The following DCC variants were observed in gnomAD, a reference collection of about 807,000 sequenced individuals.
The protein encoded by DCC is netrin receptor DCC.
DCC carries 58 observed loss-of-function variants against 172.5 expected under a neutral mutation model. The ratio of observed to expected loss-of-function variants is 0.34; its 90% CI spans 0.27 to 0.42. DCC has a LOEUF of 0.42. DCC is among the 10% of genes least tolerant of loss of function. The probability of loss-of-function intolerance (pLI) is 1.00; values close to 1 mark genes in which losing one functional copy is unlikely to be tolerated. For missense variants in DCC, 1,740 were observed against 1,791.0 expected (o/e 0.97, Z 0.51); for synonymous variants, 709 against 644.5 (o/e 1.10, Z -1.52).
chr18:53,142,837 C>T (rs1041472924), intron 7 of DCC, among the ~76,000 whole-genome samples: 40 of 152,158 alleles, frequency 2.6e-4, no homozygotes, highest in African/African-American at 8.0e-4. Flanking sequence ...ATCAAGGGAA[C>T]CTCCTTGCAT....
chr18:53,188,427 T>C (rs1568354951), intron 9 of DCC, among the ~76,000 whole-genome samples: 1 of 152,232 alleles, frequency 6.6e-6, no homozygotes, highest in Non-Finnish European at 1.5e-5. Context: ...GGGAAGTCAG[T>C]TACCTGGTCT....
At chr18:52,458,886 T>C (rs1344189217) in intron 1 of DCC, among the ~76,000 whole-genome samples, 1 of 152,184 alleles carries the variant, frequency 6.6e-6, no homozygotes, top group Non-Finnish European at 1.5e-5. Context: ...TAAAAACATT[T>C]AATTGTCTTT....
chr18:53,096,903 G>T (rs955382056), intron 7 of DCC, among the ~76,000 whole-genome samples: 1 of 151,890 alleles, frequency 6.6e-6, no homozygotes, highest in Non-Finnish European at 1.5e-5. Context: ...TATTTAGAGT[G>T]GTACATTTTA....
chr18:53,527,090 C>CGTGTGTGTGTGTGTGTGT (rs200516080), intron 28 of DCC: 1 of 203,704 alleles, frequency 4.9e-6, no homozygotes, highest in African/African-American at 2.5e-5. Context: ...CACATGGATA[C>CGTGTGTGTGTGTGTGTGT]GTGTGTGTGT....
chr18:53,036,866 T>C (rs2042100853), intron 5 of DCC, among the ~76,000 whole-genome samples: 1 of 151,968 alleles, frequency 6.6e-6, no homozygotes, highest in Non-Finnish European at 1.5e-5. Flanking sequence ...CTTTCAGGCA[T>C]TGCTTTCCAT....
intron 5 of DCC, among the ~76,000 whole-genome samples, chr18:52,951,082 G>T (rs915567263): frequency 1.3e-5 from 2 of 151,286 alleles, no homozygotes; most frequent in Non-Finnish European, 2.9e-5. Flanking sequence ...GCTCGGTCCT[G>T]CATTGCCAGC....
intron 1 of DCC, among the ~76,000 whole-genome samples, chr18:52,550,018 G>A (rs2032724501): frequency 6.6e-6 from 1 of 151,910 alleles, no homozygotes; most frequent in Non-Finnish European, 1.5e-5. Context: ...TAGAGAAATA[G>A]GACACACATC....
At chr18:53,451,893 G>T (rs1339246583) in intron 23 of DCC, among the ~76,000 whole-genome samples, 7 of 151,152 alleles carry the variant, frequency 4.6e-5, no homozygotes, top group Admixed American at 4.0e-4. Context: ...TGCAGGCTTT[G>T]TATTTAATTT....
chr18:52,956,670 C>G (rs1331880046), intron 5 of DCC, among the ~76,000 whole-genome samples: 1 of 152,076 alleles, frequency 6.6e-6, no homozygotes, highest in African/African-American at 2.4e-5. Flanking sequence ...CACATGGACT[C>G]TATAGATCAA....
intron 1 of DCC, among the ~76,000 whole-genome samples, chr18:52,514,828 C>A (rs969026884): frequency 2.6e-5 from 4 of 152,124 alleles, no homozygotes; most frequent in African/African-American, 9.7e-5. Flanking sequence ...ATATTTAGAT[C>A]TAAATTTTAG....
At chr18:52,429,245 C>G (rs1281051231) in intron 1 of DCC, among the ~76,000 whole-genome samples, 3 of 151,988 alleles carry the variant, frequency 2.0e-5, no homozygotes, top group Admixed American at 6.6e-5. Context: ...GTTACTATCA[C>G]TAATTTACAA....
chr18:52,902,171 A>G (rs2039819956), intron 2 of DCC, among the ~76,000 whole-genome samples: 1 of 152,228 alleles, frequency 6.6e-6, no homozygotes, highest in African/African-American at 2.4e-5. Context: ...AGTTGTGGAA[A>G]ATGAACCTGA....
chr18:52,710,518 A>G (rs2036276955), intron 1 of DCC, among the ~76,000 whole-genome samples: 2 of 152,360 alleles, frequency 1.3e-5, no homozygotes, highest in Middle Eastern at 3.4e-3. Context: ...GTGTGTGTGT[A>G]TATATGTGCA....
chr18:53,381,747 G>T (rs1907758109), intron 15 of DCC, among the ~76,000 whole-genome samples: 1 of 152,000 alleles, frequency 6.6e-6, no homozygotes, highest in Non-Finnish European at 1.5e-5. Flanking sequence ...CACAGGCTTG[G>T]ATTCAGTCCA....
At chr18:53,448,394 A>G (rs1175123212) in intron 22 of DCC, among the ~76,000 whole-genome samples, 1 of 152,118 alleles carries the variant, frequency 6.6e-6, no homozygotes. Context: ...GGGGGAAAGG[A>G]CCTTATAAAA....
At chr18:53,058,340 T>TACA (rs914455395) in intron 5 of DCC, among the ~76,000 whole-genome samples, 2 of 152,130 alleles carry the variant, frequency 1.3e-5, no homozygotes, top group Non-Finnish European at 2.9e-5. Context: ...AATATAAAGT[T>TACA]ACAAGCTTGG....
At chr18:52,868,055 G>A (rs4258719) in intron 2 of DCC, among the ~76,000 whole-genome samples, 34,900 of 83,044 alleles carry the variant, frequency 0.42, 4,868 homozygotes, top group Non-Finnish European at 0.52. Context: ...ATATATATAT[G>A]TGTGTGTGTG....
Position 53,375,100 on chromosome 18 carries a change from C to T in DCC, c.2360-10943C>T, listed in dbSNP as rs559989209. Among the ~76,000 whole-genome samples the T allele has an allele frequency of 6.6e-5, 10 of 152,286 alleles. No individual in the cohort carries two copies. In the South Asian group the frequency reaches 2.1e-3, roughly 32 times the overall value. On this transcript the variant is annotated intron_variant, in intron 15 of 28. Coordinates refer to ENST00000442544, the MANE Select transcript of DCC (RefSeq NM_005215.4). The stretch of plus-strand genomic sequence containing the variant: ...CTCCTGAATGGGGACAATCACTGTG[C>T]CTACCTTTTAGGGTTCCTACGAAGA...
In DCC at chr18:52,779,404, G is replaced by A. The variant is rs182423971; in HGVS notation, c.412+27030G>A. Among the ~76,000 whole-genome samples the A allele has an allele frequency of 4.6e-5, 7 of 152,244 alleles. No individual in the cohort carries two copies. In the East Asian group the frequency reaches 1.4e-3, roughly 29 times the overall value. Reference sequence around the variant, plus strand: ...CCATTTAGGAGTGAGAACATGCAGTGTTTGATTTCCTGTTCCTGTGTTAGT... The same window carrying A: ...CCATTTAGGAGTGAGAACATGCAGTATTTGATTTCCTGTTCCTGTGTTAGT... On this transcript the variant is annotated intron_variant, in intron 2 of 28. Coordinates refer to ENST00000442544, the MANE Select transcript of DCC (RefSeq NM_005215.4).
Sources: gnomAD v4.1 joint callset for allele counts (sites outside exome capture counted in the v4.1 genomes callset) on GRCh38, gnomAD v4.1.1 for gene constraint, MANE v1.5 for transcripts, NCBI Gene and HGNC (gene_info 2026-07-23, HGNC 2026-07-21) for gene names.